Variants in ARPC1A observed in about 807,000 individuals in gnomAD.
ARPC1A encodes the protein actin-related protein 2/3 complex subunit 1A.
ARPC1A carries 8 observed loss-of-function variants against 46.9 expected under a neutral mutation model. The ratio of observed to expected loss-of-function variants is 0.17; its 90% CI spans 0.10 to 0.31. The LOEUF (loss-of-function observed/expected upper bound fraction) is 0.31. Ranked by LOEUF, ARPC1A falls within the 10% of genes least tolerant of loss-of-function variation. The pLI is 1.00. For synonymous variants in ARPC1A, 152 were observed against 169.0 expected (o/e 0.90, Z 0.78); for missense variants, 286 against 483.6 (o/e 0.59, Z 3.83).
At chr7:99,344,892 A>G (rs1204300574) in intron 4 of ARPC1A, among the ~76,000 whole-genome samples, 1 of 68,206 alleles carries the variant, frequency 1.5e-5, no homozygotes, top group Non-Finnish European at 3.1e-5. Flanking sequence ...CAGGATATCT[A>G]TGTAGGATTC....
intron 1 of ARPC1A, 105 bp downstream of exon 1, chr7:99,326,109 GCCCCGAGGCTGAGGCGCGGCCGGGTCTC>G (rs1793040526): frequency 6.6e-6 from 1 of 152,216 alleles, no homozygotes; most frequent in Non-Finnish European, 1.5e-5. Context: ...AGGCCGCGGG[GCCCCGAGGCTGAGGCGCGGCCGGGTCTC>G]CCTGCCGGGG....
chr7:99,358,192 C>A, intron 6 of ARPC1A, 148 bp from the exon 7 acceptor site: 2 of 722,994 alleles, frequency 2.8e-6, no homozygotes, highest in Non-Finnish European at 4.5e-6. Flanking sequence ...GAGAGGCCTG[C>A]AAGTTGAGGT....
rs114995270 is a variant in ARPC1A, at chr7:99,328,044, G to A, written c.-30+2040G>A. 7.5e-3 allele frequency among the ~76,000 whole-genome samples: 1,144 copies of A among 152,292 alleles called. 15 individuals carry two copies. Among genetic ancestry groups the A allele is most frequent in the African/African-American group, 0.027 (1,107 of 41,556 alleles). On this transcript the variant is annotated intron_variant, in intron 1 of 9. Coordinates refer to ENST00000262942, the MANE Select transcript of ARPC1A (RefSeq NM_006409.4). ...TATGTCAACGTTTCCAAGCTCAGAG[G>A]AAACTAACTGGTGGGTTCTATGGTT...
At chr7:99,359,038 A>G (rs1299093026) in intron 7 of ARPC1A, among the ~76,000 whole-genome samples, 11 of 147,096 alleles carry the variant, frequency 7.5e-5, no homozygotes, top group Non-Finnish European at 1.0e-4. Flanking sequence ...TCACCATGTT[A>G]GCCAGGATGG....
chr7:99,340,400 T>G (rs1793338330), intron 3 of ARPC1A, among the ~76,000 whole-genome samples: 1 of 152,190 alleles, frequency 6.6e-6, no homozygotes, highest in African/African-American at 2.4e-5. Context: ...TGACATCAAG[T>G]GATCTGCCTG....
At chr7:99,329,076 G>A (rs531563076) in intron 1 of ARPC1A, among the ~76,000 whole-genome samples, 24 of 152,196 alleles carry the variant, frequency 1.6e-4, no homozygotes, top group Admixed American at 8.5e-4. Context: ...CGAGGCAGGC[G>A]GATCACGAGG....
intron 4 of ARPC1A, 94 bp from the exon 5 acceptor site, chr7:99,348,758 G>GGCCTACTTA (rs1476326298): frequency 1.3e-6 from 1 of 761,984 alleles, no homozygotes; most frequent in Non-Finnish European, 2.1e-6. Flanking sequence ...GGAAAAGTGT[G>GGCCTACTTA]GCCTACTTAG....
At chr7:99,341,527 T>C (rs1038799855) in intron 3 of ARPC1A, among the ~76,000 whole-genome samples, 4 of 151,406 alleles carry the variant, frequency 2.6e-5, no homozygotes, top group African/African-American at 7.3e-5. Flanking sequence ...GAGAATTGCT[T>C]GAACCTGGGA....
At chr7:99,337,900 A>G in intron 2 of ARPC1A, among the ~76,000 whole-genome samples, 1 of 152,086 alleles carries the variant, frequency 6.6e-6, no homozygotes, top group East Asian at 1.9e-4. Context: ...GTACACTAAC[A>G]TTGTTTATTT....
rs148614610 is a variant in ARPC1A, at chr7:99,353,092, T to TTTTAG, written c.501-797_501-793dup. 1.2e-3 allele frequency among the ~76,000 whole-genome samples: 181 copies of TTTTAG among 150,680 alleles called. 1 individual carries two copies. The highest frequency in any genetic ancestry group is 3.9e-3 in the Admixed American group (59 of 15,018). On this transcript the variant is annotated intron_variant, in intron 5 of 9. Transcript: ENST00000262942. The stretch of plus-strand genomic sequence containing the variant: ...TGGACTTACCTATCATGATTTATTA[T>TTTTAG]TTTAGTTTAGTTTAGTTTAGTTTAT...
intron 6 of ARPC1A, among the ~76,000 whole-genome samples, chr7:99,357,234 C>T (rs1793651622): frequency 1.3e-5 from 2 of 152,290 alleles, no homozygotes; most frequent in South Asian, 4.1e-4. Flanking sequence ...CTTTCCACTC[C>T]TCCAACATAA....
At chr7:99,356,966 C>G (rs1010776740) in intron 6 of ARPC1A, among the ~76,000 whole-genome samples, 1 of 152,120 alleles carries the variant, frequency 6.6e-6, no homozygotes, top group East Asian at 1.9e-4. Context: ...CAGAAGATTT[C>G]CCTACATAAA....
At chr7:99,362,947 C>T (rs1303019555) in intron 8 of ARPC1A, among the ~76,000 whole-genome samples, 1 of 152,068 alleles carries the variant, frequency 6.6e-6, no homozygotes, top group Non-Finnish European at 1.5e-5. Context: ...GGCTTATCTG[C>T]ACTGGCTGTC....
chr7:99,364,746 C>T (rs187478223), intron 9 of ARPC1A, among the ~76,000 whole-genome samples: 18 of 152,210 alleles, frequency 1.2e-4, no homozygotes, highest in African/African-American at 3.8e-4. Context: ...ATATTTATAG[C>T]TGACACTAAT....
At chr7:99,358,536 CTT>C (rs5886103) in intron 7 of ARPC1A, 121 bp downstream of exon 7, 53,792 of 313,376 alleles carry the variant, frequency 0.17, 3,605 homozygotes, top group African/African-American at 0.53. Context: ...ACAGAGCTCA[CTT>C]TTTTTTTTTT....
At chr7:99,360,328 T>TA (rs1793717858) in intron 8 of ARPC1A, 2 of 148,034 alleles carry the variant, frequency 1.4e-5, no homozygotes, top group Admixed American at 1.3e-4. Context: ...AAAGTTTAAT[T>TA]TTTTTTTTTT....
intron 6 of ARPC1A, among the ~76,000 whole-genome samples, chr7:99,354,538 A>AAC (rs1793600292): frequency 1.3e-5 from 2 of 151,394 alleles, no homozygotes; most frequent in Admixed American, 1.3e-4. Flanking sequence ...AAAAAAAAAA[A>AAC]AAAACACCTC....
intron 2 of ARPC1A, among the ~76,000 whole-genome samples, chr7:99,335,067 A>G (rs1793218915): frequency 6.6e-6 from 1 of 152,152 alleles, no homozygotes; most frequent in African/African-American, 2.4e-5. Context: ...GATGGTCTCA[A>G]TCTCCTGACC....
chr7:99,358,975 G>C (rs1175066342), intron 7 of ARPC1A, among the ~76,000 whole-genome samples: 2 of 151,978 alleles, frequency 1.3e-5, no homozygotes, highest in African/African-American at 4.8e-5. Flanking sequence ...GGGACTACAG[G>C]CGCCCGCCAC....
Sources: allele counts gnomAD v4.1 joint callset (sites outside exome capture counted in the v4.1 genomes callset), GRCh38; gene constraint gnomAD v4.1.1; transcripts MANE v1.5; gene names NCBI Gene and HGNC (gene_info 2026-07-23, HGNC 2026-07-21).